The following CLVS1 variants were observed in gnomAD, a reference collection of about 807,000 sequenced individuals.
CLVS1 encodes the protein clavesin 1.
CLVS1 carries 10 observed loss-of-function variants against 33.1 expected under a neutral mutation model. The ratio of observed to expected loss-of-function variants is 0.30; its 90% CI spans 0.19 to 0.51. The LOEUF (loss-of-function observed/expected upper bound fraction) is 0.51. CLVS1 is among the 20% of genes least tolerant of loss of function. The pLI, the probability that CLVS1 is intolerant of heterozygous loss-of-function variation, is 0.97. For missense variants in CLVS1, 343 were observed against 433.4 expected, an observed-to-expected ratio of 0.79 and a Z score of 1.85; for synonymous variants, 163 against 166.1, an observed-to-expected ratio of 0.98 and a Z score of 0.14.
intron 1 of CLVS1, among the ~76,000 whole-genome samples, chr8:61,110,092 G>A (rs970381195): frequency 1.3e-5 from 2 of 152,128 alleles, no homozygotes; most frequent in East Asian, 1.9e-4. Context: ...GCTGCTAATG[G>A]TGCACGGTTG....
intron 2 of CLVS1, among the ~76,000 whole-genome samples, chr8:61,193,738 G>T (rs1288600829): frequency 1.3e-5 from 2 of 151,576 alleles, no homozygotes; most frequent in African/African-American, 4.8e-5. Flanking sequence ...CCTACTAAAA[G>T]AAATTCTACA....
At chr8:61,059,887 TACTC>T (rs1788885726) in intron 1 of CLVS1, among the ~76,000 whole-genome samples, 1 of 152,112 alleles carries the variant, frequency 6.6e-6, no homozygotes, top group South Asian at 2.1e-4. Context: ...ACCAAGTTCT[TACTC>T]ACACAATGTG....
intron 1 of CLVS1, among the ~76,000 whole-genome samples, chr8:61,065,883 G>T (rs896466272): frequency 6.6e-6 from 1 of 152,142 alleles, no homozygotes; most frequent in Non-Finnish European, 1.5e-5. Context: ...GTATAAAAAT[G>T]ATTAATAGAT....
chr8:61,304,150 A>C (rs976599950), intron 2 of CLVS1, among the ~76,000 whole-genome samples: 1 of 152,254 alleles, frequency 6.6e-6, no homozygotes, highest in African/African-American at 2.4e-5. Flanking sequence ...ATGACTGGGA[A>C]GTCATTTGAA....
chr8:60,974,724 A>G, the CLVS1 span, among the ~76,000 whole-genome samples: 1 of 151,700 alleles, frequency 6.6e-6, no homozygotes, highest in Non-Finnish European at 1.5e-5. Flanking sequence ...GCTTGCAGTG[A>G]GCCGAGATCA....
chr8:61,248,053 A>G (rs1808855304), intron 2 of CLVS1, among the ~76,000 whole-genome samples: 1 of 152,076 alleles, frequency 6.6e-6, no homozygotes, highest in African/African-American at 2.4e-5. Flanking sequence ...TCATTTCTTC[A>G]TTGCTTGTTT....
intron 3 of CLVS1, among the ~76,000 whole-genome samples, chr8:61,412,025 G>A (rs1815249838): frequency 6.6e-6 from 1 of 152,198 alleles, no homozygotes; most frequent in Non-Finnish European, 1.5e-5. Context: ...GAGACAGGGT[G>A]AAGGCCAGGG....
chr8:61,248,528 T>A (rs962629725), intron 2 of CLVS1, among the ~76,000 whole-genome samples: 1 of 151,810 alleles, frequency 6.6e-6, no homozygotes, highest in Admixed American at 6.6e-5. Flanking sequence ...GTATTCCTAG[T>A]TTTTTTTGTG....
chr8:61,357,419 T>C (rs1042407386), intron 2 of CLVS1, among the ~76,000 whole-genome samples: 1 of 151,324 alleles, frequency 6.6e-6, no homozygotes, highest in African/African-American at 2.4e-5. Context: ...GGTAAGTATA[T>C]CACTGCAGTA....
Position 61,118,820 on chromosome 8 carries a change from G to A in CLVS1, c.-242-12950G>A, listed in dbSNP as rs567818711. On this transcript the variant is annotated intron_variant, in intron 1 of 2. Transcript: ENST00000522621. ...TGTGGTCAGTTTTGGAAGAGGTGTG[G>A]TGTGGTGCTGAAAAAAATGTATATT... Among the ~76,000 whole-genome samples the A allele has an allele frequency of 3.3e-5, 5 of 152,296 alleles. No homozygotes were observed. The East Asian group carries it at 9.6e-4, about 29-fold the overall frequency.
intron 2 of CLVS1, among the ~76,000 whole-genome samples, chr8:61,254,927 C>A (rs79523519): frequency 6.6e-6 from 1 of 152,136 alleles, no homozygotes; most frequent in South Asian, 2.1e-4. Flanking sequence ...ACCCACTCTC[C>A]GACAATCCCC....
chr8:61,096,016 A>G (rs1199385192), intron 1 of CLVS1, among the ~76,000 whole-genome samples: 1 of 152,232 alleles, frequency 6.6e-6, no homozygotes, highest in African/African-American at 2.4e-5. Flanking sequence ...TGCAGGAGGT[A>G]AGGAAATGTG....
upstream of CLVS1, among the ~76,000 whole-genome samples, chr8:61,052,398 T>A (rs997359464): frequency 2.0e-5 from 3 of 152,194 alleles, no homozygotes; most frequent in Admixed American, 1.3e-4. Flanking sequence ...GCGACAGGAA[T>A]CCCCAGATTG....
intron 5 of CLVS1, among the ~76,000 whole-genome samples, chr8:61,476,406 A>G (rs1031501474): frequency 1.3e-5 from 2 of 151,998 alleles, no homozygotes; most frequent in African/African-American, 4.8e-5. Flanking sequence ...CATTTTCATG[A>G]TATTGATTCT....
intron 2 of CLVS1, among the ~76,000 whole-genome samples, chr8:61,154,443 T>C (rs1214854121): frequency 1.3e-5 from 2 of 152,226 alleles, no homozygotes; most frequent in Non-Finnish European, 2.9e-5. Context: ...ATGAAGGCAG[T>C]ATACCATTTT....
intron 3 of CLVS1, among the ~76,000 whole-genome samples, chr8:61,408,520 G>A (rs181959779): frequency 2.0e-5 from 3 of 152,284 alleles, no homozygotes; most frequent in African/African-American, 7.2e-5. Flanking sequence ...AACCCACCAG[G>A]CCAGGGGACT....
Position 61,207,339 on chromosome 8 carries a change from A to T in CLVS1, c.-152+75479A>T, listed in dbSNP as rs79097812. On this transcript the variant is annotated intron_variant, in intron 2 of 2. Transcript: ENST00000522621. ...GTGCATGGGCTCCAGGAATGTGCAGAGGTGCATGGGCTCCAGGGATTTGCA... is the reference window on the plus strand; with the variant it reads ...GTGCATGGGCTCCAGGAATGTGCAGTGGTGCATGGGCTCCAGGGATTTGCA... 1.2e-3 allele frequency among the ~76,000 whole-genome samples: 39 copies of T among 31,812 alleles called. No homozygotes were observed. The Admixed American group carries it at 0.013, about 10-fold the overall frequency. 20.9% of individuals were successfully genotyped at this position (31,812 alleles called of 152,430 possible).
chr8:61,285,447 C>G (rs979279554), upstream of CLVS1, among the ~76,000 whole-genome samples: 1 of 152,180 alleles, frequency 6.6e-6, no homozygotes. Context: ...TCTGCTTGAC[C>G]TCCATTTCAG....
chr8:61,099,012 T>G (rs1261939770), intron 1 of CLVS1, among the ~76,000 whole-genome samples: 1 of 152,198 alleles, frequency 6.6e-6, no homozygotes, highest in Non-Finnish European at 1.5e-5. Context: ...CATCTTTTAA[T>G]ATAGACCCTT....
Sources: allele counts gnomAD v4.1 joint callset (sites outside exome capture counted in the v4.1 genomes callset), GRCh38; gene constraint gnomAD v4.1.1; transcripts MANE v1.5; gene names NCBI Gene and HGNC (gene_info 2026-07-23, HGNC 2026-07-21).